RNF11: variants seen among roughly 807,000 people sequenced by gnomAD.
RNF11 encodes the protein ring finger protein 11.
RNF11 carries 4 observed loss-of-function variants against 15.8 expected under a neutral mutation model. That is an observed-to-expected ratio of 0.25 (90% CI 0.12 to 0.58). The LOEUF (loss-of-function observed/expected upper bound fraction) is 0.58. Among genes scored for constraint, RNF11 ranks in the 20% least tolerant of loss-of-function variants. The pLI, the probability that RNF11 is intolerant of heterozygous loss-of-function variation, is 0.91. For synonymous variants in RNF11, 68 were observed against 72.3 expected (o/e 0.94, Z 0.30); for missense variants, 139 against 194.4 (o/e 0.71, Z 1.70).
At chr1:51,238,092 G>A (rs543863213) in intron 1 of RNF11, among the ~76,000 whole-genome samples, 15 of 152,230 alleles carry the variant, frequency 9.9e-5, no homozygotes, top group Non-Finnish European at 2.1e-4. Flanking sequence ...TATATTCCAG[G>A]CCTACCAAAT....
chr1:51,270,297 A>G (rs1211424837), intron 2 of RNF11, among the ~76,000 whole-genome samples, 172 bp downstream of exon 2: 1 of 152,194 alleles, frequency 6.6e-6, no homozygotes. Context: ...GCTACTAGCA[A>G]GAGAATGTTA....
rs1021493749 is a variant in RNF11, at chr1:51,236,639, G to A, written c.-118G>A. On this transcript the variant is annotated 5_prime_UTR_variant, in exon 1 of 3. Transcript: ENST00000242719. ...ACCGTGGGGCGGTGGAGTCGCCTCC[G>A]CCTGATCCCCGGCCTGTCGCCCGAC... is the stretch of plus-strand genomic sequence containing the variant. 7.1e-6 allele frequency: 10 copies of A among 1,417,580 alleles called. No individual in the cohort carries two copies. The African/African-American group carries it at 7.2e-5, about 10-fold the overall frequency. The allele number at this position is 1,417,580 out of a possible 1,614,324, so 87.8% of individuals were successfully genotyped here.
chr1:51,267,526 A>C (rs1170780604), intron 1 of RNF11, among the ~76,000 whole-genome samples: 2 of 152,256 alleles, frequency 1.3e-5, no homozygotes, highest in Admixed American at 6.5e-5. Flanking sequence ...TAGTGGAGTC[A>C]CACAGGACAT....
At chr1:51,269,127 C>A (rs1257761600) in intron 1 of RNF11, among the ~76,000 whole-genome samples, 1 of 152,154 alleles carries the variant, frequency 6.6e-6, no homozygotes, top group Non-Finnish European at 1.5e-5. Flanking sequence ...ATCTCATCTT[C>A]TGAGATAGTA....
At chr1:51,256,173 T>C (rs1646903406) in intron 1 of RNF11, among the ~76,000 whole-genome samples, 1 of 152,222 alleles carries the variant, frequency 6.6e-6, no homozygotes, top group South Asian at 2.1e-4. Context: ...ACCATTATAG[T>C]ATCATACGTG....
At chr1:51,264,282 AAAAAAATATATAT>A (rs1376412416) in intron 1 of RNF11, among the ~76,000 whole-genome samples, 2 of 90,732 alleles carry the variant, frequency 2.2e-5, no homozygotes, top group Non-Finnish European at 4.1e-5. Context: ...AAAAAAAAAA[AAAAAAATATATAT>A]ATATATATAT....
At chr1:51,261,762 A>G (rs1429243905) in intron 1 of RNF11, among the ~76,000 whole-genome samples, 1 of 151,026 alleles carries the variant, frequency 6.6e-6, no homozygotes, top group Non-Finnish European at 1.5e-5. Context: ...ATCTCAGCTT[A>G]CTGCAAGCTC....
At chr1:51,250,065 TC>T (rs1303445952) in intron 1 of RNF11, among the ~76,000 whole-genome samples, 1 of 152,226 alleles carries the variant, frequency 6.6e-6, no homozygotes, top group Non-Finnish European at 1.5e-5. Context: ...GCACTAATTT[TC>T]TGCTTGTACT....
chr1:51,250,897 G>A (rs1214272157), intron 1 of RNF11: 9 of 1,048,116 alleles, frequency 8.6e-6, no homozygotes, highest in South Asian at 1.3e-5. Context: ...ACAGGGATGA[G>A]GTGCACCAGT....
At chr1:51,248,666 T>C (rs530021573) in intron 1 of RNF11, among the ~76,000 whole-genome samples, 3 of 152,318 alleles carry the variant, frequency 2.0e-5, no homozygotes, top group South Asian at 4.1e-4. Flanking sequence ...GTTTTGTATA[T>C]AGTTTTGAAG....
chr1:51,252,947 C>T (rs1646887607), intron 1 of RNF11, among the ~76,000 whole-genome samples: 1 of 151,824 alleles, frequency 6.6e-6, no homozygotes. Context: ...CTGCCTCAGC[C>T]TCCCAAGTAG....
chr1:51,239,469 T>A (rs1251807662), intron 1 of RNF11, among the ~76,000 whole-genome samples: 2 of 152,188 alleles, frequency 1.3e-5, no homozygotes, highest in Non-Finnish European at 2.9e-5. Context: ...AAGAAACTTT[T>A]GGAGAAAAAG....
At chr1:51,250,885 G>A (rs1646874273) in intron 1 of RNF11, 2 of 1,042,162 alleles carry the variant, frequency 1.9e-6, no homozygotes, top group Non-Finnish European at 2.9e-6. Flanking sequence ...GTGCCCCTGG[G>A]TACAGGGATG....
intron 1 of RNF11, among the ~76,000 whole-genome samples, chr1:51,242,909 C>T (rs1003146377): frequency 5.9e-5 from 9 of 151,750 alleles, no homozygotes; most frequent in African/African-American, 2.2e-4. Context: ...CCTTATTATA[C>T]AATTATTCAG....
At chr1:51,270,800 T>G (rs140926530) in intron 2 of RNF11, among the ~76,000 whole-genome samples, 2,494 of 152,372 alleles carry the variant, frequency 0.016, 44 homozygotes, top group Non-Finnish European at 0.024. Flanking sequence ...AAAACAAAGT[T>G]GATCTAACTG....
rs1402453586 is a variant in RNF11, at chr1:51,264,313, TATATACACAC to T, written c.124-5641_124-5632del. Among the ~76,000 whole-genome samples the T allele has an allele frequency of 4.2e-3, 430 of 101,670 alleles. 8 individuals carry two copies. The highest frequency in any genetic ancestry group is 0.019 in the African/African-American group (421 of 22,700). The allele number at this position is 101,670 out of a possible 152,430, so 66.7% of individuals were successfully genotyped here. A position where few individuals can be genotyped will look rare whatever the true frequency, so the allele number is the denominator to read the frequency against. ...ATATATATATATATATATATATATATATATACACACACACACACACACACACATTTATCAG... is the reference window on the plus strand; with the variant it reads ...ATATATATATATATATATATATATATACACACACACACACACATTTATCAG... On this transcript the variant is annotated intron_variant, in intron 1 of 2. Transcript: ENST00000242719.
chr1:51,253,366 A>G (rs1646889683), intron 1 of RNF11, among the ~76,000 whole-genome samples: 1 of 151,928 alleles, frequency 6.6e-6, no homozygotes, highest in Admixed American at 6.6e-5. Flanking sequence ...CTCTACAAAT[A>G]ATATAAAAAA....
chr1:51,267,896 A>C (rs1415632173), intron 1 of RNF11, among the ~76,000 whole-genome samples: 1 of 152,132 alleles, frequency 6.6e-6, no homozygotes, highest in African/African-American at 2.4e-5. Context: ...ACGCCCAGCT[A>C]ATTTTAGTAT....
chr1:51,271,103 G>T, intron 2 of RNF11, 48 bp from the exon 3 acceptor site: 1 of 1,504,094 alleles, frequency 6.6e-7, no homozygotes, highest in Non-Finnish European at 9.2e-7. Context: ...TTTCTGAATA[G>T]GACACTTCTG....
Sources: gnomAD v4.1 joint callset for allele counts (sites outside exome capture counted in the v4.1 genomes callset) on GRCh38, gnomAD v4.1.1 for gene constraint, MANE v1.5 for transcripts, NCBI Gene and HGNC (gene_info 2026-07-23, HGNC 2026-07-21) for gene names.